Variants in ACACA observed in about 807,000 individuals in gnomAD.
The protein encoded by ACACA is acetyl-CoA carboxylase alpha, also known as acetyl-CoA carboxylase 1.
A neutral mutation model predicts 296.1 loss-of-function variants in ACACA; 103 were observed. That is an observed-to-expected ratio of 0.35 (90% CI 0.30 to 0.41). The LOEUF (loss-of-function observed/expected upper bound fraction) is 0.41, where lower values mean the gene tolerates loss of function less well. ACACA is among the 10% of genes least tolerant of loss of function. ACACA has a pLI of 1.00. For synonymous variants in ACACA, 953 were observed against 1,038.6 expected (o/e 0.92, Z 1.58); for missense variants, 1,554 against 2,989.7 (o/e 0.52, Z 11.20).
intron 8 of ACACA, chr17:37,274,542 A>C: frequency 1.1e-6 from 1 of 897,206 alleles, no homozygotes; most frequent in Non-Finnish European, 1.3e-6. Context: ...CAACTTATAA[A>C]AATGCAAAGA....
chr17:37,187,512 C>G (rs2077582503), intron 39 of ACACA, among the ~76,000 whole-genome samples: 4 of 152,126 alleles, frequency 2.6e-5, no homozygotes, highest in Admixed American at 6.5e-5. Flanking sequence ...AATGGTGAAC[C>G]AACCTAATTT....
intron 47 of ACACA, among the ~76,000 whole-genome samples, chr17:37,129,043 C>T (rs963621464): frequency 1.3e-5 from 2 of 152,100 alleles, no homozygotes; most frequent in African/African-American, 2.4e-5. Flanking sequence ...GATTTTATGG[C>T]TTATATTGAA....
chr17:37,200,231 A>G, intron 34 of ACACA, 48 bp from the exon 35 acceptor site: 1 of 1,512,506 alleles, frequency 6.6e-7, no homozygotes, highest in Non-Finnish European at 9.2e-7. Flanking sequence ...GAAGTTGGCA[A>G]TTAGTAACAA....
At chr17:37,371,533 GTAT>G (rs941406066) in intron 1 of ACACA, among the ~76,000 whole-genome samples, 16 of 151,488 alleles carry the variant, frequency 1.1e-4, no homozygotes, top group African/African-American at 3.9e-4. Context: ...CACCTTTTCA[GTAT>G]TATTATTATT....
intron 11 of ACACA, among the ~76,000 whole-genome samples, chr17:37,262,325 G>A (rs2081551472): frequency 6.6e-6 from 1 of 152,124 alleles, no homozygotes; most frequent in African/African-American, 2.4e-5. Context: ...TGATGTATGT[G>A]ACTTCAAGAT....
rs373032355 is a variant in ACACA, at chr17:37,276,055, A to G, written c.803-6T>C. 11 of 1,611,486 alleles carry G rather than the reference A, an allele frequency of 6.8e-6. No homozygotes were observed. The highest frequency in any genetic ancestry group is 1.7e-5 in the Admixed American group (1 of 60,024). On this transcript the variant is annotated splice_region_variant and splice_polypyrimidine_tract_variant and intron_variant, in intron 7 of 55. Coordinates refer to ENST00000616317, the MANE Select transcript of ACACA (RefSeq NM_198834.3). ...CATGGCCTGGCTTGGAGGACCTAAA[A>G]ACGAAACAGGAAAAGAATCCTGACT...
At chr17:37,308,830 G>A (rs955437155) in intron 3 of ACACA, among the ~76,000 whole-genome samples, 4 of 152,048 alleles carry the variant, frequency 2.6e-5, no homozygotes, top group African/African-American at 7.2e-5. Context: ...CTAGCTACTC[G>A]GGAGACTGAG....
intron 44 of ACACA, among the ~76,000 whole-genome samples, chr17:37,150,529 G>A (rs1396776342): frequency 6.9e-6 from 1 of 144,442 alleles, no homozygotes; most frequent in Non-Finnish European, 1.5e-5. Context: ...GCAACAGAGT[G>A]AGACTCTGTC....
intron 1 of ACACA, among the ~76,000 whole-genome samples, chr17:37,340,112 C>T (rs1275458808): frequency 8.5e-5 from 13 of 152,094 alleles, no homozygotes; most frequent in Admixed American, 8.5e-4. Context: ...GGTGGCTTTT[C>T]CAATTGTATA....
Position 37,248,478 on chromosome 17 carries a change from G to A in ACACA, c.2163+115C>T. 3.6e-6 allele frequency: 3 copies of A among 844,312 alleles called. No homozygotes were observed. The East Asian group carries it at 7.4e-5, about 21-fold the overall frequency. 52.3% of individuals were successfully genotyped at this position (844,312 alleles called of 1,614,324 possible). ...CAGGACACTGACAAAAATAATGACG[G>A]TAATTTCACTAATACCCCCATCCCT... On this transcript the variant is annotated intron_variant, in intron 17 of 55. Transcript: ENST00000616317.
At chr17:37,270,422 G>A (rs749690678) in intron 10 of ACACA, among the ~76,000 whole-genome samples, 3 of 152,092 alleles carry the variant, frequency 2.0e-5, no homozygotes, top group Non-Finnish European at 4.4e-5. Flanking sequence ...ATACAGAAAG[G>A]TATTGATTTT....
intron 41 of ACACA, among the ~76,000 whole-genome samples, chr17:37,165,859 T>G (rs935894820): frequency 6.6e-6 from 1 of 152,088 alleles, no homozygotes; most frequent in Non-Finnish European, 1.5e-5. Context: ...CATTTTTTTG[T>G]AGAGACAGGA....
intron 52 of ACACA, among the ~76,000 whole-genome samples, chr17:37,103,101 G>C (rs193163600): frequency 2.6e-5 from 4 of 152,308 alleles, no homozygotes; most frequent in African/African-American, 7.2e-5. Flanking sequence ...AAAATAAAAG[G>C]CTGCTATTAA....
intron 41 of ACACA, among the ~76,000 whole-genome samples, chr17:37,168,633 A>G (rs1050374852): frequency 6.6e-6 from 1 of 152,186 alleles, no homozygotes; most frequent in Non-Finnish European, 1.5e-5. Context: ...TCTTATTTAT[A>G]TAAAATTTGA....
At chr17:37,221,618 C>T in intron 29 of ACACA, 106 bp downstream of exon 29, 1 of 1,002,010 alleles carries the variant, frequency 1.0e-6, no homozygotes, top group Non-Finnish European at 1.6e-6. Context: ...ATTTTTTGCC[C>T]TACATTTCTA....
intron 1 of ACACA, among the ~76,000 whole-genome samples, chr17:37,385,852 G>C (rs775956451): frequency 3.6e-4 from 55 of 152,014 alleles, no homozygotes; most frequent in Non-Finnish European, 3.1e-4. Context: ...TTTACTCTTG[G>C]CATTATTTTG....
At chr17:37,170,989 A>G (rs2076862486) in intron 41 of ACACA, among the ~76,000 whole-genome samples, 1 of 152,208 alleles carries the variant, frequency 6.6e-6, no homozygotes, top group Admixed American at 6.5e-5. Flanking sequence ...ATGCTGTGGG[A>G]AGCAGAAAGA....
At chr17:37,267,306 A>G (rs935643869) in intron 10 of ACACA, among the ~76,000 whole-genome samples, 1 of 152,084 alleles carries the variant, frequency 6.6e-6, no homozygotes, top group Admixed American at 6.6e-5. Flanking sequence ...ACATGTCTCA[A>G]ATGTGGTGCT....
chr17:37,091,970 G>C (rs1012144487), intron 54 of ACACA, among the ~76,000 whole-genome samples: 2 of 152,056 alleles, frequency 1.3e-5, no homozygotes, highest in Non-Finnish European at 2.9e-5. Flanking sequence ...CCAGGAAGAA[G>C]CCATTATTAT....
Sources: allele counts gnomAD v4.1 joint callset (sites outside exome capture counted in the v4.1 genomes callset), GRCh38; gene constraint gnomAD v4.1.1; transcripts MANE v1.5; gene names NCBI Gene and HGNC (gene_info 2026-07-23, HGNC 2026-07-21).